The following ITPR2 variants were observed in gnomAD, a reference collection of about 807,000 sequenced individuals.
The protein encoded by ITPR2 is inositol 1,4,5-trisphosphate-gated calcium channel ITPR2.
ITPR2 carries 207 observed loss-of-function variants against 317.1 expected under a neutral mutation model. That is an observed-to-expected ratio of 0.65 (90% CI 0.58 to 0.73). ITPR2 has a LOEUF of 0.73. Ranked by LOEUF, ITPR2 falls within the 30% of genes least tolerant of loss-of-function variation. The probability of loss-of-function intolerance (pLI) is 0.00; values close to 1 mark genes in which losing one functional copy is unlikely to be tolerated. For synonymous variants in ITPR2, 1,156 were observed against 1,149.1 expected (o/e 1.01, Z -0.12); for missense variants, 2,613 against 3,284.0 (o/e 0.80, Z 4.99).
chr12:26,789,270 A>G (rs922167406), intron 2 of ITPR2, among the ~76,000 whole-genome samples: 1 of 152,252 alleles, frequency 6.6e-6, no homozygotes, highest in African/African-American at 2.4e-5. Flanking sequence ...AAACATTCCC[A>G]TAAGAGATAT....
Position 26,342,500 on chromosome 12 carries a change from G to C in ITPR2, c.7858-2172C>G, listed in dbSNP as rs796929432. On this transcript the variant is annotated intron_variant, in intron 55 of 56. Transcript: ENST00000381340. ...GGAGGTGTTTGGGTCACGGCGGTGG[G>C]GGGGGGGGGGGGGCGGGGGTCAGAT... 3.8e-3 allele frequency among the ~76,000 whole-genome samples: 47 copies of C among 12,280 alleles called. 1 individual carries two copies. The highest frequency in any genetic ancestry group is 9.0e-3 in the African/African-American group (46 of 5,122). The allele number at this position is 12,280 out of a possible 152,430, so 8.1% of individuals were successfully genotyped here.
chr12:26,758,066 C>G (rs1224693687), intron 2 of ITPR2, among the ~76,000 whole-genome samples: 1 of 152,084 alleles, frequency 6.6e-6, no homozygotes, highest in Non-Finnish European at 1.5e-5. Context: ...AGGTGAGAAC[C>G]TCTCCACCTG....
chr12:26,369,189 G>A (rs1939107671), intron 55 of ITPR2, among the ~76,000 whole-genome samples: 1 of 152,244 alleles, frequency 6.6e-6, no homozygotes, highest in Non-Finnish European at 1.5e-5. Context: ...GAGCTTGTAG[G>A]ACTGGACAAG....
intron 49 of ITPR2, among the ~76,000 whole-genome samples, chr12:26,421,855 T>C (rs1366599517): frequency 6.6e-6 from 1 of 152,026 alleles, no homozygotes; most frequent in Non-Finnish European, 1.5e-5. Flanking sequence ...CCTGATACAG[T>C]TTTTGTTGGG....
chr12:26,663,899 C>CTTT, intron 14 of ITPR2, 53 bp from the exon 15 acceptor site: 1 of 1,217,896 alleles, frequency 8.2e-7, no homozygotes, highest in Non-Finnish European at 1.1e-6. Flanking sequence ...GTTTTGCAAC[C>CTTT]TTTTTTTTTT....
chr12:26,817,199 AAAAG>A (rs1170319664), intron 1 of ITPR2, among the ~76,000 whole-genome samples: 1 of 151,050 alleles, frequency 6.6e-6, no homozygotes. Context: ...AAAAAAAAAA[AAAAG>A]GGCAGTACGA....
intron 33 of ITPR2, 50 bp from the exon 34 acceptor site, chr12:26,578,883 C>G: frequency 6.5e-7 from 1 of 1,546,698 alleles, no homozygotes. Flanking sequence ...CCATTAACAG[C>G]CCTGATGTAG....
At chr12:26,593,940 T>G (rs957855399) in intron 32 of ITPR2, among the ~76,000 whole-genome samples, 3 of 152,228 alleles carry the variant, frequency 2.0e-5, no homozygotes, top group Non-Finnish European at 4.4e-5. Flanking sequence ...AAGCTTATCT[T>G]TAGTCAGTAG....
chr12:26,427,172 A>G (rs1490574688), intron 49 of ITPR2, among the ~76,000 whole-genome samples: 2 of 152,164 alleles, frequency 1.3e-5, no homozygotes, highest in Non-Finnish European at 2.9e-5. Context: ...GAAAGTGTCT[A>G]GGTATTCAAC....
intron 32 of ITPR2, among the ~76,000 whole-genome samples, chr12:26,591,288 T>C (rs562436364): frequency 8.5e-5 from 13 of 152,114 alleles, no homozygotes; most frequent in Non-Finnish European, 1.8e-4. Context: ...TGAATAGATA[T>C]TTCTCAAAAG....
intron 54 of ITPR2, among the ~76,000 whole-genome samples, chr12:26,395,508 A>G (rs1253528066): frequency 6.6e-6 from 1 of 152,188 alleles, no homozygotes; most frequent in Non-Finnish European, 1.5e-5. Flanking sequence ...ATGTCTTAGA[A>G]TGAGGCTTCC....
In ITPR2 at chr12:26,682,054, A is replaced by G; in HGVS notation, c.1249-20T>C. On this transcript the variant is annotated intron_variant, in intron 12 of 56. Transcript: ENST00000381340. ...TCCAATCTGAAATGTTTTTCCATTA[A>G]GCTTAGTTTTATAAACAACTATACA... 6.2e-7 allele frequency: 1 copy of G among 1,603,054 alleles called. No homozygotes were observed. The highest frequency in any genetic ancestry group is 1.1e-5 in the South Asian group (1 of 90,292).
At chr12:26,674,765 C>A (rs1947869811) in intron 13 of ITPR2, among the ~76,000 whole-genome samples, 1 of 152,082 alleles carries the variant, frequency 6.6e-6, no homozygotes, top group Non-Finnish European at 1.5e-5. Context: ...AGGCAACCCA[C>A]AAAATGGGAG....
chr12:26,581,764 T>C (rs777459658), intron 32 of ITPR2, among the ~76,000 whole-genome samples: 3 of 152,196 alleles, frequency 2.0e-5, no homozygotes, highest in African/African-American at 4.8e-5. Context: ...TCTTTTAGTA[T>C]CTTCCTAACA....
chr12:26,768,731 T>G (rs1949786764), intron 2 of ITPR2, among the ~76,000 whole-genome samples: 1 of 152,004 alleles, frequency 6.6e-6, no homozygotes, highest in Non-Finnish European at 1.5e-5. Flanking sequence ...AGAGTTCAAG[T>G]TGCATAACTG....
Position 26,599,211 on chromosome 12 carries a change from A to G in ITPR2, c.3936T>C (p.Phe1312=), listed in dbSNP as rs1945931578. The change falls in exon 30 of 57, where the codon TTT becomes TTC. Residue 1312 remains phenylalanine, a synonymous_variant. Transcript: ENST00000381340. The part of the protein sequence containing the change: ...THGRHVEYLR[F]LQTIVKADGK... The stretch of plus-strand genomic sequence containing the variant: ...CATCTGCTTTTACAATTGTTTGCAA[A>G]AACCTCAGGTACTCCACGTGGCGGC... 1 of 1,613,980 alleles carries G rather than the reference A, an allele frequency of 6.2e-7. No individual in the cohort carries two copies. Among genetic ancestry groups the G allele is most frequent in the Non-Finnish European group, 8.5e-7 (1 of 1,179,982 alleles).
At chr12:26,479,587 A>G (rs1281768294) in intron 43 of ITPR2, among the ~76,000 whole-genome samples, 1 of 152,192 alleles carries the variant, frequency 6.6e-6, no homozygotes. Flanking sequence ...AATTTTTCTA[A>G]TAACTTGAAT....
chr12:26,579,432 G>T (rs1195121336), intron 33 of ITPR2, among the ~76,000 whole-genome samples: 1 of 152,066 alleles, frequency 6.6e-6, no homozygotes, highest in African/African-American at 2.4e-5. Context: ...TTTTATGCAT[G>T]TATGTTTATA....
chr12:26,793,372 T>C (rs768723676), intron 1 of ITPR2, among the ~76,000 whole-genome samples: 8 of 151,816 alleles, frequency 5.3e-5, no homozygotes, highest in Non-Finnish European at 8.8e-5. Flanking sequence ...ATAATAAGGA[T>C]AACCAAAAAA....
Sources: gnomAD v4.1 joint callset for allele counts (sites outside exome capture counted in the v4.1 genomes callset) on GRCh38, gnomAD v4.1.1 for gene constraint, MANE v1.5 for transcripts, NCBI Gene and HGNC (gene_info 2026-07-23, HGNC 2026-07-21) for gene names.